Variants in ELMOD1 observed in about 807,000 individuals in gnomAD.
ELMOD1 encodes ELMO domain containing 1, also known as ELMO domain-containing protein 1.
Under a neutral mutation model 46.7 loss-of-function variants are expected in ELMOD1, and 21 were observed. The observed-to-expected ratio is 0.45, with a 90% CI of 0.32 to 0.65. ELMOD1 has a LOEUF of 0.65. ELMOD1 is among the 30% of genes least tolerant of loss of function. The probability of loss-of-function intolerance (pLI) is 0.04; values close to 1 mark genes in which losing one functional copy is unlikely to be tolerated. For missense variants in ELMOD1, 348 were observed against 407.8 expected (o/e 0.85, Z 1.26); for synonymous variants, 122 against 138.2 (o/e 0.88, Z 0.82).
intron 1 of ELMOD1, among the ~76,000 whole-genome samples, chr11:107,617,796 C>T (rs906226201): frequency 6.6e-6 from 1 of 152,020 alleles, no homozygotes; most frequent in East Asian, 1.9e-4. Flanking sequence ...TTTTATTTTT[C>T]TTAGGAATAC....
chr11:107,635,840 G>A (rs1866220834), intron 6 of ELMOD1, 75 bp downstream of exon 6: 33 of 1,452,750 alleles, frequency 2.3e-5, no homozygotes, highest in African/African-American at 2.8e-5. Context: ...TGTGCTAGGC[G>A]CTGCTCTGGA....
chr11:107,646,993 T>G (rs889411440), intron 6 of ELMOD1, among the ~76,000 whole-genome samples: 2 of 147,450 alleles, frequency 1.4e-5, no homozygotes, highest in East Asian at 4.1e-4. Context: ...TATCTACCTA[T>G]CTACCTACCA....
At chr11:107,601,105 G>A (rs1865589989) in intron 1 of ELMOD1, among the ~76,000 whole-genome samples, 1 of 151,946 alleles carries the variant, frequency 6.6e-6, no homozygotes, top group South Asian at 2.1e-4. Flanking sequence ...CTCCAGATTT[G>A]TCTTTCTCAG....
chr11:107,622,091 C>A (rs72990734), intron 2 of ELMOD1, among the ~76,000 whole-genome samples: 4,124 of 152,132 alleles, frequency 0.027, 75 homozygotes, highest in Non-Finnish European at 0.038. Flanking sequence ...AGAGACGAGG[C>A]GTATGCATAC....
chr11:107,623,238 C>T (rs917622936), intron 2 of ELMOD1: 1 of 152,060 alleles, frequency 6.6e-6, no homozygotes, highest in Non-Finnish European at 1.5e-5. Context: ...AAGCTGTGTC[C>T]ACACTCTCAT....
At chr11:107,638,268 G>C (rs753773664) in intron 6 of ELMOD1, among the ~76,000 whole-genome samples, 1 of 152,198 alleles carries the variant, frequency 6.6e-6, no homozygotes, top group Non-Finnish European at 1.5e-5. Flanking sequence ...GTTTGTTCAA[G>C]TTTCAAGTAC....
chr11:107,658,737 C>T (rs368296075), intron 11 of ELMOD1, among the ~76,000 whole-genome samples: 33 of 152,220 alleles, frequency 2.2e-4, no homozygotes, highest in African/African-American at 8.0e-4. Context: ...GAGTTCAAGA[C>T]CAGCCTGATC....
intron 11 of ELMOD1, among the ~76,000 whole-genome samples, chr11:107,656,915 G>C (rs1866644553): frequency 6.6e-6 from 1 of 152,092 alleles, no homozygotes; most frequent in South Asian, 2.1e-4. Context: ...AAATAAAAAA[G>C]GTTGTCAAAT....
At chr11:107,617,748 A>G (rs1865886431) in intron 1 of ELMOD1, among the ~76,000 whole-genome samples, 1 of 152,214 alleles carries the variant, frequency 6.6e-6, no homozygotes, top group Non-Finnish European at 1.5e-5. Flanking sequence ...ACTATTGGAT[A>G]TCTGGAAATC....
chr11:107,624,045 T>C (rs1866000160), intron 2 of ELMOD1, among the ~76,000 whole-genome samples: 1 of 152,198 alleles, frequency 6.6e-6, no homozygotes, highest in Non-Finnish European at 1.5e-5. Context: ...TGTTTAAATT[T>C]TTTTTGAATT....
At chr11:107,610,998 C>CAAAAAAAA (rs58417281) in intron 1 of ELMOD1, among the ~76,000 whole-genome samples, 9 of 95,760 alleles carry the variant, frequency 9.4e-5, no homozygotes, top group Non-Finnish European at 1.7e-4. Flanking sequence ...TGTAAGAATC[C>CAAAAAAAA]AAAAAAAAAA....
chr11:107,662,572 T>C (rs890344267), intron 11 of ELMOD1, among the ~76,000 whole-genome samples: 78 of 149,452 alleles, frequency 5.2e-4, no homozygotes, highest in African/African-American at 1.8e-3. Flanking sequence ...ATCGTGCCAT[T>C]GCACTCCAGC....
chr11:107,603,400 G>A (rs376068263), intron 1 of ELMOD1, among the ~76,000 whole-genome samples: 6 of 151,988 alleles, frequency 3.9e-5, no homozygotes, highest in Admixed American at 2.0e-4. Flanking sequence ...ATAGCTGTGC[G>A]TGGTGGTGCA....
chr11:107,630,478 G>A lies in ELMOD1; in HGVS notation c.79G>A (p.Val27Ile), dbSNP rs771782013. 1.3e-5 allele frequency: 21 copies of A among 1,607,872 alleles called. No individual in the cohort carries two copies. The Admixed American group carries it at 2.5e-4, about 19-fold the overall frequency. The change falls in exon 3 of 12, where the codon GTA (valine) becomes ATA (isoleucine). Residue 27 changes from valine (V) to isoleucine (I), a missense_variant. Physicochemically the swap from Val to Ile is conservative, Grantham distance 29. Transcript: ENST00000265840. ...ATTTCTGTGGCGCTGCCTGAAATTT[G>A]TAATGAGGAAGCTAACTGGAAGATG... ...CKFLWRCLKF[V>I]MRKLTGRCEL...
chr11:107,614,370 T>A (rs185895063), intron 1 of ELMOD1, among the ~76,000 whole-genome samples: 287 of 152,152 alleles, frequency 1.9e-3, no homozygotes, highest in Middle Eastern at 3.4e-3. Flanking sequence ...TGAGACGGAG[T>A]CTCTGTTGCC....
chr11:107,623,543 TG>T (rs1368978461), intron 2 of ELMOD1: 1 of 152,248 alleles, frequency 6.6e-6, no homozygotes, highest in Non-Finnish European at 1.5e-5. Flanking sequence ...ACTTTTGTAC[TG>T]AAGTGAGGAA....
At chr11:107,612,437 G>A (rs1201588085) in intron 1 of ELMOD1, among the ~76,000 whole-genome samples, 3 of 152,138 alleles carry the variant, frequency 2.0e-5, no homozygotes, top group Admixed American at 6.6e-5. Flanking sequence ...AGGATCGATT[G>A]TACCTAAACC....
At chr11:107,634,530 G>A (rs1866194846) in intron 5 of ELMOD1, among the ~76,000 whole-genome samples, 1 of 152,174 alleles carries the variant, frequency 6.6e-6, no homozygotes, top group Admixed American at 6.5e-5. Context: ...CCTGAGGTCA[G>A]GAGTTCGAGA....
Position 107,665,336 on chromosome 11 carries a change from G to T in ELMOD1, c.*139G>T. 1.1e-6 allele frequency: 1 copy of T among 879,336 alleles called. No homozygotes were observed. The highest frequency in any genetic ancestry group is 1.7e-6 in the Non-Finnish European group (1 of 576,802). 54.5% of individuals were successfully genotyped at this position (879,336 alleles called of 1,614,324 possible). The stretch of plus-strand genomic sequence containing the variant: ...TTTGGTACAGTGTTTTCATCTCTTG[G>T]TCATAATTCCGAGATCCCCAGAGAC... On this transcript the variant is annotated 3_prime_UTR_variant, in exon 12 of 12. Transcript: ENST00000265840.
Sources: gnomAD v4.1 joint callset for allele counts (sites outside exome capture counted in the v4.1 genomes callset) on GRCh38, gnomAD v4.1.1 for gene constraint, MANE v1.5 for transcripts, NCBI Gene and HGNC (gene_info 2026-07-23, HGNC 2026-07-21) for gene names.